The following UBE2G2 variants were observed in gnomAD, a reference collection of about 807,000 sequenced individuals.
The protein encoded by UBE2G2 is ubiquitin conjugating enzyme E2 G2.
UBE2G2 carries 10 observed loss-of-function variants against 23.0 expected under a neutral mutation model. The observed-to-expected ratio is 0.43, with a 90% CI of 0.27 to 0.74. The LOEUF (loss-of-function observed/expected upper bound fraction) is 0.74, where lower values mean the gene tolerates loss of function less well. Among genes scored for constraint, UBE2G2 ranks in the 30% least tolerant of loss-of-function variants. UBE2G2 has a pLI of 0.19. For missense variants in UBE2G2, 150 were observed against 218.3 expected, an observed-to-expected ratio of 0.69 and a Z score of 1.97; for synonymous variants, 86 against 81.3, an observed-to-expected ratio of 1.06 and a Z score of -0.31.
Position 44,771,569 on chromosome 21 carries a change from A to T in UBE2G2, c.386-80T>A, listed in dbSNP as rs2082875366. The T allele has an allele frequency of 1.4e-6, 2 of 1,426,534 alleles. No homozygotes were observed. Among genetic ancestry groups the T allele is most frequent in the African/African-American group, 2.8e-5 (2 of 71,252 alleles). The allele number at this position is 1,426,534 out of a possible 1,614,324, so 88.4% of individuals were successfully genotyped here. A position where few individuals can be genotyped will look rare whatever the true frequency, so the allele number is the denominator to read the frequency against. On this transcript the variant is annotated intron_variant, in intron 5 of 5. Coordinates refer to ENST00000345496, the MANE Select transcript of UBE2G2 (RefSeq NM_003343.6). The surrounding 1 kb of genome is among the most constrained non-coding windows in gnomAD (Gnocchi z 4.6). ...CTGGCAAGGTCTCCCATTTATTTAA[A>T]ACACTGGCGGGGGCTTTCAAGAGCT...
chr21:44,792,310 GA>G (rs1196224025), intron 1 of UBE2G2, among the ~76,000 whole-genome samples: 1 of 152,100 alleles, frequency 6.6e-6, no homozygotes, highest in Non-Finnish European at 1.5e-5. Context: ...GGTAGGGGGA[GA>G]AATGACATGG....
chr21:44,783,638 C>G (rs2146393174), intron 3 of UBE2G2, among the ~76,000 whole-genome samples: 2 of 152,282 alleles, frequency 1.3e-5, no homozygotes, highest in East Asian at 3.9e-4. Flanking sequence ...GTGTATGATT[C>G]CACACATAGG....
chr21:44,773,864 C>A, intron 4 of UBE2G2, 177 bp from the exon 5 acceptor site: 3 of 833,934 alleles, frequency 3.6e-6, no homozygotes. Flanking sequence ...GCAGGAATCC[C>A]GGTGGGGCCT....
chr21:44,798,068 G>A lies in UBE2G2; in HGVS notation c.43+3638C>T, dbSNP rs182336775. The stretch of plus-strand genomic sequence containing the variant: ...AGCTACTCAGGTGGATTAAGTGAAA[G>A]GATAGCTTGAGCCCAGGTCAAGGCT... On this transcript the variant is annotated intron_variant, in intron 1 of 5. Transcript: ENST00000345496. 8.4e-3 allele frequency among the ~76,000 whole-genome samples: 1,279 copies of A among 152,252 alleles called. 10 individuals carry two copies. The highest frequency in any genetic ancestry group is 0.013 in the Non-Finnish European group (851 of 68,010).
At position 44,772,872 on chromosome 21, in the gene UBE2G2, C is replaced by A. The variant is rs2082884261; in HGVS notation, c.385+675G>T. Among the ~76,000 whole-genome samples the A allele has an allele frequency of 6.6e-6, 1 of 152,164 alleles. No individual in the cohort carries two copies. The highest frequency in any genetic ancestry group is 2.4e-5 in the African/African-American group (1 of 41,430). On this transcript the variant is annotated intron_variant, in intron 5 of 5. Coordinates refer to ENST00000345496, the MANE Select transcript of UBE2G2 (RefSeq NM_003343.6). This position sits in a 1 kb window ranked among gnomAD's most constrained non-coding sequence, Gnocchi z 5.4. ...ATTGGTTACTGCTGCAAGGATGGCC[C>A]TTCGAAGGCACAGCTCACAGGACAT...
In UBE2G2 at chr21:44,773,762, A is replaced by C; in HGVS notation, c.245-75T>G. ...ATCGCCGCGCTTGGGCAGGCTCCAC[A>C]GATAATGAGAACAAAGACTGCAGAC... On this transcript the variant is annotated intron_variant, in intron 4 of 5. Transcript: ENST00000345496. 3.8e-6 allele frequency: 6 copies of C among 1,560,652 alleles called. No homozygotes were observed. In the South Asian group the frequency reaches 7.0e-5, roughly 18 times the overall value.
intron 3 of UBE2G2, among the ~76,000 whole-genome samples, chr21:44,786,544 A>G (rs571530067): frequency 6.6e-6 from 1 of 152,352 alleles, no homozygotes; most frequent in South Asian, 2.1e-4. Context: ...TAATTTTCAT[A>G]TCAATTTAAC....
intron 1 of UBE2G2, among the ~76,000 whole-genome samples, chr21:44,795,893 G>A (rs2083085109): frequency 1.3e-5 from 2 of 152,144 alleles, no homozygotes; most frequent in Non-Finnish European, 2.9e-5. Context: ...ATGGCCATGC[G>A]AAGATGGAGG....
chr21:44,773,516 G>A (rs782142437), intron 5 of UBE2G2, 31 bp downstream of exon 5: 17 of 1,598,784 alleles, frequency 1.1e-5, no homozygotes, highest in Admixed American at 3.4e-5. Flanking sequence ...GGGTGTCCAC[G>A]GCAGCTCCTG....
Position 44,769,673 on chromosome 21 carries a change from C to CA in UBE2G2, c.*1703dup, listed in dbSNP as rs1555959567. 2 of 152,250 alleles carry CA rather than the reference C, an allele frequency of 1.3e-5. No homozygotes were observed. The highest frequency in any genetic ancestry group is 2.9e-5 in the Non-Finnish European group (2 of 68,084). The allele number at this position is 152,250 out of a possible 1,614,324, so 9.4% of individuals were successfully genotyped here. A position where few individuals can be genotyped will look rare whatever the true frequency, so the allele number is the denominator to read the frequency against. Reference sequence around the variant, plus strand: ...GATTGCAGGCGTGAGCCACAGCACCCAGCCTCCAAATTTTAAATGAGCCCC... The same window carrying CA: ...GATTGCAGGCGTGAGCCACAGCACCCAAGCCTCCAAATTTTAAATGAGCCCC... On this transcript the variant is annotated 3_prime_UTR_variant, in exon 6 of 6. Transcript: ENST00000345496.
intron 4 of UBE2G2, chr21:44,774,727 C>T: frequency 2.2e-6 from 1 of 456,274 alleles, no homozygotes; most frequent in Non-Finnish European, 4.4e-6. Flanking sequence ...TTGCCCTGGA[C>T]ATCAGGCTGT....
intron 4 of UBE2G2, chr21:44,776,945 C>A (rs1305280881): frequency 1.0e-5 from 2 of 194,422 alleles, no homozygotes; most frequent in South Asian, 1.1e-4. Flanking sequence ...TGTTAAAAAC[C>A]CAGGTTAAGT....
chr21:44,793,524 A>G (rs2083061920), intron 1 of UBE2G2, among the ~76,000 whole-genome samples: 1 of 152,052 alleles, frequency 6.6e-6, no homozygotes, highest in African/African-American at 2.4e-5. Context: ...AAAGAAGTGC[A>G]GCAAATGAGT....
intron 1 of UBE2G2, chr21:44,789,412 A>G (rs2083026594): frequency 6.6e-6 from 1 of 151,732 alleles, no homozygotes; most frequent in African/African-American, 2.4e-5. Context: ...AAAAGAATAA[A>G]CAGAAAGCTT....
At chr21:44,788,289 T>TTG (rs2083014689) in intron 1 of UBE2G2, among the ~76,000 whole-genome samples, 194 bp from the exon 2 acceptor site, 1 of 147,082 alleles carries the variant, frequency 6.8e-6, no homozygotes, top group Non-Finnish European at 1.5e-5. Context: ...GTTTTTTTGT[T>TTG]TTTTTTTTGT....
chr21:44,794,533 TTTTG>T (rs2083070289), intron 1 of UBE2G2, among the ~76,000 whole-genome samples: 5 of 135,412 alleles, frequency 3.7e-5, no homozygotes, highest in South Asian at 4.7e-4. Context: ...ACCCTTCTTT[TTTTG>T]TTTTTTTTTT....
intron 4 of UBE2G2, chr21:44,775,417 A>T (rs565469076): frequency 6.6e-6 from 1 of 152,378 alleles, no homozygotes; most frequent in South Asian, 2.1e-4. Context: ...TCACCACTGT[A>T]TACCAGCAAC....
intron 1 of UBE2G2, among the ~76,000 whole-genome samples, chr21:44,797,062 C>G (rs2083096022): frequency 6.6e-6 from 1 of 152,200 alleles, no homozygotes; most frequent in African/African-American, 2.4e-5. Flanking sequence ...TCTCCAAAGT[C>G]CCTCCACCGA....
chr21:44,793,051 G>T (rs1354058533), intron 1 of UBE2G2, among the ~76,000 whole-genome samples: 2 of 152,238 alleles, frequency 1.3e-5, no homozygotes, highest in Non-Finnish European at 2.9e-5. Flanking sequence ...TAGATCAGGA[G>T]AAATAACCAC....
Sources: allele counts gnomAD v4.1 joint callset (sites outside exome capture counted in the v4.1 genomes callset), GRCh38; gene constraint gnomAD v4.1.1; non-coding constraint Gnocchi (gnomAD v3.1); transcripts MANE v1.5; gene names NCBI Gene and HGNC (gene_info 2026-07-23, HGNC 2026-07-21).